Variants in CNTN4 observed in about 807,000 individuals in gnomAD.
CNTN4 encodes contactin-4.
Under a neutral mutation model 122.5 loss-of-function variants are expected in CNTN4, and 77 were observed. The observed-to-expected ratio is 0.63, with a 90% CI of 0.52 to 0.76. The LOEUF is 0.76. Among genes scored for constraint, CNTN4 ranks in the 30% least tolerant of loss-of-function variants. The pLI, the probability that CNTN4 is intolerant of heterozygous loss-of-function variation, is 0.00. For synonymous variants in CNTN4, 512 were observed against 447.0 expected, an observed-to-expected ratio of 1.15 and a Z score of -1.83; for missense variants, 1,256 against 1,259.1, an observed-to-expected ratio of 1.00 and a Z score of 0.04.
chr3:2,451,337 A>T (rs1473583693), intron 3 of CNTN4, among the ~76,000 whole-genome samples: 1 of 151,974 alleles, frequency 6.6e-6, no homozygotes, highest in Admixed American at 6.6e-5. Flanking sequence ...TTGTAGGATT[A>T]TACAATCTGG....
At chr3:2,314,189 G>A (rs1251487245) in intron 2 of CNTN4, among the ~76,000 whole-genome samples, 1 of 151,766 alleles carries the variant, frequency 6.6e-6, no homozygotes, top group African/African-American at 2.4e-5. Context: ...ATTTGCCAAA[G>A]AACATGAAGT....
chr3:2,451,617 A>C (rs974909072), intron 3 of CNTN4, among the ~76,000 whole-genome samples: 2 of 152,034 alleles, frequency 1.3e-5, no homozygotes, highest in Admixed American at 1.3e-4. Context: ...GTTGACTGTA[A>C]CCATATAAAT....
intron 11 of CNTN4, 52 bp downstream of exon 11, chr3:2,900,873 T>C (rs2094165382): frequency 1.2e-6 from 2 of 1,600,654 alleles, no homozygotes; most frequent in Non-Finnish European, 8.6e-7. Context: ...ACGTTTAATA[T>C]AGCCTCATTG....
intron 6 of CNTN4, among the ~76,000 whole-genome samples, chr3:2,747,296 C>G (rs1317562243): frequency 2.0e-5 from 3 of 151,470 alleles, no homozygotes; most frequent in East Asian, 3.9e-4. Context: ...GTAGTCCCAG[C>G]TGCTCGGGAG....
intron 3 of CNTN4, among the ~76,000 whole-genome samples, chr3:2,446,233 C>G (rs1204002363): frequency 6.6e-6 from 1 of 152,050 alleles, no homozygotes; most frequent in Non-Finnish European, 1.5e-5. Flanking sequence ...GATCTTTTTT[C>G]CTGTGTGTTT....
At chr3:2,986,831 C>T (rs1694623784) in intron 13 of CNTN4, among the ~76,000 whole-genome samples, 1 of 152,190 alleles carries the variant, frequency 6.6e-6, no homozygotes, top group South Asian at 2.1e-4. Context: ...CCACTACACG[C>T]CATCCTGTGT....
intron 4 of CNTN4, among the ~76,000 whole-genome samples, chr3:2,615,604 C>T (rs1317256142): frequency 6.6e-6 from 1 of 152,050 alleles, no homozygotes; most frequent in African/African-American, 2.4e-5. Context: ...GAGGGCTAAG[C>T]AGCTTTATTG....
At chr3:2,550,506 TGC>T (rs2078452841) in intron 3 of CNTN4, among the ~76,000 whole-genome samples, 1 of 151,994 alleles carries the variant, frequency 6.6e-6, no homozygotes, top group Non-Finnish European at 1.5e-5. Flanking sequence ...TTGGTGGGAG[TGC>T]AAACTAGTTC....
At chr3:2,446,829 C>T (rs1221435622) in intron 3 of CNTN4, among the ~76,000 whole-genome samples, 1 of 152,162 alleles carries the variant, frequency 6.6e-6, no homozygotes, top group Non-Finnish European at 1.5e-5. Context: ...TTGAGAAAAC[C>T]TCTCTGCAGT....
intron 4 of CNTN4, among the ~76,000 whole-genome samples, chr3:2,689,050 A>C (rs2085586418): frequency 1.3e-5 from 2 of 152,196 alleles, no homozygotes; most frequent in African/African-American, 4.8e-5. Context: ...AGAGTTCGAA[A>C]GGTTGCAGAC....
chr3:2,395,858 A>C (rs2046622008), intron 3 of CNTN4, among the ~76,000 whole-genome samples: 2 of 152,182 alleles, frequency 1.3e-5, no homozygotes, highest in South Asian at 4.1e-4. Flanking sequence ...AGTATTGTTC[A>C]ATAAAAATAA....
chr3:2,425,752 C>G (rs140359953), intron 3 of CNTN4, among the ~76,000 whole-genome samples: 43 of 152,204 alleles, frequency 2.8e-4, no homozygotes, highest in Non-Finnish European at 5.0e-4. Flanking sequence ...TTGAGCAGTG[C>G]TTTGTAGTTC....
intron 23 of CNTN4, among the ~76,000 whole-genome samples, chr3:3,044,751 G>C (rs1048377964): frequency 6.6e-6 from 1 of 152,164 alleles, no homozygotes; most frequent in Non-Finnish European, 1.5e-5. Context: ...GGGGCTTGTC[G>C]GACAGTGGGC....
At chr3:2,313,195 A>C (rs561022994) in intron 2 of CNTN4, among the ~76,000 whole-genome samples, 54 of 152,120 alleles carry the variant, frequency 3.5e-4, no homozygotes, top group African/African-American at 1.2e-3. Flanking sequence ...ATTACTTAAA[A>C]GCAAGACGTA....
chr3:2,538,930 T>C (rs1423988680), intron 3 of CNTN4, among the ~76,000 whole-genome samples: 1 of 151,926 alleles, frequency 6.6e-6, no homozygotes, highest in African/African-American at 2.4e-5. Context: ...ATAGTACCTT[T>C]ATGGAATATT....
At chr3:2,649,262 G>A (rs2083262420) in intron 4 of CNTN4, among the ~76,000 whole-genome samples, 1 of 152,212 alleles carries the variant, frequency 6.6e-6, no homozygotes, top group African/African-American at 2.4e-5. Flanking sequence ...ACAGCCTTAT[G>A]TTGGAAGAAG....
At chr3:2,246,502 G>A (rs1040917081) in intron 2 of CNTN4, among the ~76,000 whole-genome samples, 1 of 151,956 alleles carries the variant, frequency 6.6e-6, no homozygotes, top group Non-Finnish European at 1.5e-5. Flanking sequence ...CTGGCCCATA[G>A]CTGTGCTGGG....
intron 3 of CNTN4, among the ~76,000 whole-genome samples, chr3:2,479,775 G>A (rs146027107): frequency 3.2e-4 from 48 of 152,248 alleles, no homozygotes; most frequent in African/African-American, 9.1e-4. Context: ...ACGGGTGAGC[G>A]TGTTTCTCAC....
chr3:3,057,246 A>C lies in CNTN4; in HGVS notation c.*1026A>C, dbSNP rs1701859359. The C allele has an allele frequency of 6.6e-6, 1 of 152,658 alleles. No individual in the cohort carries two copies. Among genetic ancestry groups the C allele is most frequent in the African/African-American group, 2.4e-5 (1 of 41,470 alleles). The allele number at this position is 152,658 out of a possible 1,614,324, so 9.5% of individuals were successfully genotyped here. A position where few individuals can be genotyped will look rare whatever the true frequency, so the allele number is the denominator to read the frequency against. ...AATAATAGAGCCCTTCTTTTGAATC[A>C]AAATTACATATGGACTTTGGAAGAT... is the stretch of plus-strand genomic sequence containing the variant. On this transcript the variant is annotated 3_prime_UTR_variant, in exon 25 of 25. Coordinates refer to ENST00000418658, the MANE Select transcript of CNTN4 (RefSeq NM_175607.3).
Sources: gnomAD v4.1 joint callset for allele counts (sites outside exome capture counted in the v4.1 genomes callset) on GRCh38, gnomAD v4.1.1 for gene constraint, MANE v1.5 for transcripts, NCBI Gene and HGNC (gene_info 2026-07-23, HGNC 2026-07-21) for gene names.